The following NAA15 variants were observed in gnomAD, a reference collection of about 807,000 sequenced individuals.
The protein encoded by NAA15 is N-terminal acetyltransferase.
NAA15 carries 34 observed loss-of-function variants against 114.0 expected under a neutral mutation model. The ratio of observed to expected loss-of-function variants is 0.30; its 90% CI spans 0.23 to 0.40. The LOEUF (loss-of-function observed/expected upper bound fraction) is 0.40. Among genes scored for constraint, NAA15 ranks in the 10% least tolerant of loss-of-function variants. The pLI, the probability that NAA15 is intolerant of heterozygous loss-of-function variation, is 1.00. For missense variants in NAA15, 658 were observed against 1,004.5 expected (o/e 0.66, Z 4.66); for synonymous variants, 340 against 338.0 (o/e 1.01, Z -0.06).
Position 139,391,230 on chromosome 4 carries a change from T to C in NAA15, c.*3146T>C, listed in dbSNP as rs1749049841. ...GTTTCATGATACCATTCTGCTATCA[T>C]CTAAACTTTGCTGAACTCTACTGCC... is the stretch of plus-strand genomic sequence containing the variant. On this transcript the variant is annotated 3_prime_UTR_variant, in exon 20 of 20. Transcript: ENST00000296543. 6.6e-6 allele frequency: 1 copy of C among 152,228 alleles called. No homozygotes were observed. The highest frequency in any genetic ancestry group is 1.5e-5 in the Non-Finnish European group (1 of 68,040). 9.4% of individuals were successfully genotyped at this position (152,228 alleles called of 1,614,324 possible).
In NAA15 at chr4:139,359,118, G is replaced by T. The variant is rs146611601; in HGVS notation, c.1258-625G>T. On this transcript the variant is annotated intron_variant, in intron 11 of 19. Transcript: ENST00000296543. ...AGACTCCCATCTCAAAAAAAAAAAA[G>T]ATTTCTGTTATTATTTATTTATTTT... Among the ~76,000 whole-genome samples, 271 of 150,732 alleles carry T rather than the reference G, an allele frequency of 1.8e-3. 2 individuals carry two copies. The highest frequency in any genetic ancestry group is 2.1e-4 in the Non-Finnish European group (14 of 67,656).
chr4:139,302,075 C>T, intron 1 of NAA15: 1 of 404,570 alleles, frequency 2.5e-6, no homozygotes, highest in Non-Finnish European at 4.4e-6. Flanking sequence ...GACTAGGCCC[C>T]GACCTCCCGG....
At chr4:139,344,772 A>G (rs1354538179) in intron 6 of NAA15, among the ~76,000 whole-genome samples, 1 of 152,148 alleles carries the variant, frequency 6.6e-6, no homozygotes, top group Non-Finnish European at 1.5e-5. Flanking sequence ...TAAAATACAT[A>G]TAGGATATTT....
chr4:139,331,280 G>T (rs942997293), intron 1 of NAA15, among the ~76,000 whole-genome samples: 9 of 151,990 alleles, frequency 5.9e-5, no homozygotes, highest in Admixed American at 5.2e-4. Context: ...TTGCCTTCTT[G>T]TTGCTTAGTA....
intron 1 of NAA15, among the ~76,000 whole-genome samples, chr4:139,332,923 C>T (rs533142574): frequency 2.0e-5 from 3 of 152,114 alleles, no homozygotes; most frequent in Admixed American, 6.6e-5. Flanking sequence ...TGACATTTTG[C>T]GAGATTGGTT....
At position 139,336,888 on chromosome 4, in the gene NAA15, G is replaced by T; in HGVS notation, c.180G>T (p.Gly60=). The T allele has an allele frequency of 6.2e-7, 1 of 1,601,206 alleles. No homozygotes were observed. The highest frequency in any genetic ancestry group is 8.5e-7 in the Non-Finnish European group (1 of 1,173,560). ...AAGGATTAACATTGAACTGTTTGGG[G>T]AAAAAGGAAGAAGCTTATGAATTGG... ...AMKGLTLNCL[G]KKEEAYELVR... Residue 60 remains glycine, a synonymous_variant, in exon 3 of 20, where the codon GGG becomes GGT. Transcript: ENST00000296543.
chr4:139,347,904 C>T (rs554184038), intron 6 of NAA15, among the ~76,000 whole-genome samples: 43 of 151,234 alleles, frequency 2.8e-4, no homozygotes, highest in African/African-American at 7.5e-4. Context: ...CGGTGGCGGG[C>T]GCCTGTAGTC....
chr4:139,346,169 GATTA>G (rs368608326), intron 6 of NAA15, among the ~76,000 whole-genome samples: 2 of 152,160 alleles, frequency 1.3e-5, no homozygotes, highest in African/African-American at 4.8e-5. Context: ...TCATGTGAAG[GATTA>G]ATTTAGGTAA....
intron 11 of NAA15, among the ~76,000 whole-genome samples, chr4:139,357,923 A>G (rs149056613): frequency 2.0e-5 from 3 of 152,140 alleles, no homozygotes; most frequent in South Asian, 4.1e-4. Context: ...GTATCTGGCA[A>G]TGTTATTGAG....
At position 139,301,732 on chromosome 4, in the gene NAA15, C is replaced by T; in HGVS notation, c.-46C>T. ...CAGCGGCGGCGGTCGGACAAACTGA[C>T]TGACCGAGCCGGGTGGTGGCGGGAG... On this transcript the variant is annotated 5_prime_UTR_variant, in exon 1 of 20. Coordinates refer to ENST00000296543, the MANE Select transcript of NAA15 (RefSeq NM_057175.5). 1 of 1,537,014 alleles carries T rather than the reference C, an allele frequency of 6.5e-7. No homozygotes were observed. Among genetic ancestry groups the T allele is most frequent in the Admixed American group, 2.0e-5 (1 of 50,944 alleles).
At chr4:139,383,274 A>C (rs1462075418) in intron 17 of NAA15, among the ~76,000 whole-genome samples, 1 of 152,198 alleles carries the variant, frequency 6.6e-6, no homozygotes, top group Admixed American at 6.5e-5. Context: ...CCCCAGTTTT[A>C]TAGATCAAGA....
chr4:139,313,812 C>T (rs1164140176), intron 1 of NAA15, among the ~76,000 whole-genome samples: 1 of 151,840 alleles, frequency 6.6e-6, no homozygotes, highest in Non-Finnish European at 1.5e-5. Flanking sequence ...GCTGGCATTA[C>T]AGGTGTGAGC....
At position 139,389,039 on chromosome 4, in the gene NAA15, A is replaced by G. The variant is rs980587467; in HGVS notation, c.*955A>G. ...AACCTCAGCAGGCCTTGTTCACGAT[A>G]TGCAGAAAAAAAAGTGCTGCAGTTT... is the stretch of plus-strand genomic sequence containing the variant. On this transcript the variant is annotated 3_prime_UTR_variant, in exon 20 of 20. Transcript: ENST00000296543. 6.6e-6 allele frequency: 1 copy of G among 152,580 alleles called. No individual in the cohort carries two copies. Among genetic ancestry groups the G allele is most frequent in the Non-Finnish European group, 1.5e-5 (1 of 68,032 alleles). The allele number at this position is 152,580 out of a possible 1,614,324, so 9.5% of individuals were successfully genotyped here.
Position 139,344,315 on chromosome 4 carries a change from A to G in NAA15, c.667A>G (p.Lys223Glu). Residue 223 changes from lysine (K) to glutamate (E), a missense_variant, in exon 6 of 20, where the codon AAA becomes GAA. Physicochemically the swap from Lys to Glu is moderately conservative, Grantham distance 56. Coordinates refer to ENST00000296543, the MANE Select transcript of NAA15 (RefSeq NM_057175.5). ...LCTYEKQICD[K>E]LAVEETKGEL... ...TACCTATGAAAAGCAGATTTGTGAT[A>G]AACTTGCTGTAGAAGAAACCAAAGG... 6.2e-7 allele frequency: 1 copy of G among 1,610,362 alleles called. No homozygotes were observed. Among genetic ancestry groups the G allele is most frequent in the Non-Finnish European group, 8.5e-7 (1 of 1,178,490 alleles).
intron 1 of NAA15, among the ~76,000 whole-genome samples, chr4:139,318,832 C>T (rs1233426032): frequency 1.3e-5 from 2 of 150,302 alleles, no homozygotes; most frequent in Admixed American, 6.6e-5. Context: ...CCAGCCTAGG[C>T]GACAGACCCC....
At chr4:139,305,034 T>G (rs1484835323) in intron 1 of NAA15, among the ~76,000 whole-genome samples, 2 of 152,172 alleles carry the variant, frequency 1.3e-5, no homozygotes, top group African/African-American at 4.8e-5. Context: ...GTCCTCCCGC[T>G]TCAGCCTCCG....
intron 1 of NAA15, among the ~76,000 whole-genome samples, chr4:139,304,260 G>A (rs933010291): frequency 7.9e-5 from 12 of 152,246 alleles, no homozygotes; most frequent in African/African-American, 2.9e-4. Flanking sequence ...TTAATTTTGA[G>A]AAGACTGTAA....
intron 1 of NAA15, among the ~76,000 whole-genome samples, chr4:139,327,133 C>T (rs1408924207): frequency 6.6e-6 from 1 of 152,084 alleles, no homozygotes; most frequent in Non-Finnish European, 1.5e-5. Flanking sequence ...GACAAGGTCT[C>T]ACTATGTTAT....
At chr4:139,306,431 C>T (rs1160550491) in intron 1 of NAA15, among the ~76,000 whole-genome samples, 1 of 151,460 alleles carries the variant, frequency 6.6e-6, no homozygotes, top group Non-Finnish European at 1.5e-5. Context: ...GATGGTGTTT[C>T]ACCATGTTGG....
Sources: gnomAD v4.1 joint callset for allele counts (sites outside exome capture counted in the v4.1 genomes callset) on GRCh38, gnomAD v4.1.1 for gene constraint, MANE v1.5 for transcripts, NCBI Gene and HGNC (gene_info 2026-07-23, HGNC 2026-07-21) for gene names.